Variants in ITSN2 observed in about 807,000 individuals in gnomAD.
ITSN2 encodes intersectin-2.
ITSN2 carries 156 observed loss-of-function variants against 243.7 expected under a neutral mutation model. The observed-to-expected ratio is 0.64, with a 90% CI of 0.56 to 0.73. The LOEUF is 0.73. Ranked by LOEUF, ITSN2 falls within the 30% of genes least tolerant of loss-of-function variation. The pLI, the probability that ITSN2 is intolerant of heterozygous loss-of-function variation, is 0.00. For missense variants in ITSN2, 1,801 were observed against 1,996.1 expected, an observed-to-expected ratio of 0.90 and a Z score of 1.86; for synonymous variants, 703 against 699.9, an observed-to-expected ratio of 1.00 and a Z score of -0.07.
chr2:24,229,144 C>CA (rs904636774), intron 29 of ITSN2, among the ~76,000 whole-genome samples: 20 of 150,634 alleles, frequency 1.3e-4, no homozygotes, highest in Admixed American at 7.3e-4. Flanking sequence ...CACCTCCCTC[C>CA]AAAAAAAAGA....
intron 17 of ITSN2, among the ~76,000 whole-genome samples, chr2:24,276,550 T>G (rs188813962): frequency 5.3e-5 from 8 of 152,354 alleles, no homozygotes; most frequent in African/African-American, 1.9e-4. Context: ...GGTAAATTCC[T>G]TAGCAGGAAC....
At position 24,286,012 on chromosome 2, in the gene ITSN2, A is replaced by AGTATATGTTTAGTTATATGACACTATGTC. The variant is rs1300583748; in HGVS notation, c.1863+171_1863+199dup. ...CATCAAAAATTGGAAACTGTGATAA[A>AGTATATGTTTAGTTATATGACACTATGTC]GTATATGTTTAGTTATATGACACTA... On this transcript the variant is annotated intron_variant, in intron 16 of 39. Coordinates refer to ENST00000355123, the MANE Select transcript of ITSN2 (RefSeq NM_006277.3). Among the ~76,000 whole-genome samples, 162 of 152,340 alleles carry AGTATATGTTTAGTTATATGACACTATGTC rather than the reference A, an allele frequency of 1.1e-3. 1 individual carries two copies. The highest frequency in any genetic ancestry group is 1.9e-3 in the Non-Finnish European group (131 of 68,032).
chr2:24,240,151 T>C lies in ITSN2; in HGVS notation c.3577+5978A>G, dbSNP rs143591917. On this transcript the variant is annotated intron_variant, in intron 29 of 39. Coordinates refer to ENST00000355123, the MANE Select transcript of ITSN2 (RefSeq NM_006277.3). ...ACCTTAGACCAAATAATGTGGCTGA[T>C]TAACAGTGGTATGATTTCTACCCCG... 2.6e-3 allele frequency: 398 copies of C among 152,236 alleles called. 3 individuals are homozygous for C. The highest frequency in any genetic ancestry group is 9.2e-3 in the African/African-American group (383 of 41,564). 9.4% of individuals were successfully genotyped at this position (152,236 alleles called of 1,614,324 possible).
At chr2:24,210,362 G>A in intron 34 of ITSN2, 1 of 331,740 alleles carries the variant, frequency 3.0e-6, no homozygotes, top group East Asian at 6.4e-5. Context: ...TGCAATCCCA[G>A]CACTGTTGGG....
rs1282294653 is a variant in ITSN2 at position 24,287,403 on chromosome 2, TCA to T, written c.1724-1054_1724-1053del. On this transcript the variant is annotated intron_variant, in intron 15 of 39. Transcript: ENST00000355123. ...ACCCCTGGTAACCACTCTTCTACTC[TCA>T]GTTTCTGTACAGGAGTTCAACTTTT... is the stretch of plus-strand genomic sequence containing the variant. Among the ~76,000 whole-genome samples, 8 of 152,150 alleles carry T rather than the reference TCA, an allele frequency of 5.3e-5. No individual in the cohort carries two copies. The East Asian group carries it at 1.5e-3, about 29-fold the overall frequency.
At chr2:24,312,465 G>T (rs1683370455) in intron 4 of ITSN2, 90 bp from the exon 5 acceptor site, 1 of 877,638 alleles carries the variant, frequency 1.1e-6, no homozygotes, top group Non-Finnish European at 1.7e-6. Flanking sequence ...TAAAAATGAT[G>T]ATATGGCATT....
intron 2 of ITSN2, 90 bp from the exon 3 acceptor site, chr2:24,315,314 T>C (rs1683775240): frequency 1.4e-6 from 1 of 690,762 alleles, no homozygotes; most frequent in Admixed American, 2.4e-5. Context: ...AAGTGTTCAT[T>C]GTATGACAGT....
chr2:24,319,965 T>C (rs184298980), intron 2 of ITSN2, among the ~76,000 whole-genome samples: 70 of 152,308 alleles, frequency 4.6e-4, no homozygotes, highest in African/African-American at 1.7e-3. Flanking sequence ...CTGGCTAGGG[T>C]TGTCAGAGAT....
In ITSN2 at chr2:24,220,668, A is replaced by G. The variant is rs539191500; in HGVS notation, c.3699+277T>C. 1.3e-5 allele frequency: 17 copies of G among 1,272,134 alleles called. No individual in the cohort carries two copies. The African/African-American group carries it at 2.0e-4, about 15-fold the overall frequency. 78.8% of individuals were successfully genotyped at this position (1,272,134 alleles called of 1,614,324 possible). A position where few individuals can be genotyped will look rare whatever the true frequency, so the allele number is the denominator to read the frequency against. On this transcript the variant is annotated intron_variant, in intron 30 of 39. Transcript: ENST00000355123. The stretch of plus-strand genomic sequence containing the variant: ...CTTGATGGGGCTCCTGCCACATCCA[A>G]CGAAGCCATGCGAATGCCCTCTTGT...
At chr2:24,264,860 A>G (rs1676461015) in intron 20 of ITSN2, among the ~76,000 whole-genome samples, 1 of 85,654 alleles carries the variant, frequency 1.2e-5, no homozygotes, top group African/African-American at 3.7e-5. Flanking sequence ...AAGATTTCCA[A>G]CTTTGTTCCC....
Position 24,222,182 on chromosome 2 carries a change from G to A in ITSN2, c.3578-1116C>T, listed in dbSNP as rs6708661. Among the ~76,000 whole-genome samples, 1,077 of 151,342 alleles carry A rather than the reference G, an allele frequency of 7.1e-3. 7 individuals are homozygous for A. The highest frequency in any genetic ancestry group is 0.025 in the African/African-American group (1,037 of 41,150). On this transcript the variant is annotated intron_variant, in intron 29 of 39. Transcript: ENST00000355123. ...CAGCAGAATGGTGTGAACCCAGGAGGTGGAGGTTGCAGTGAGCCGAGATCG... is the reference window on the plus strand; with the variant it reads ...CAGCAGAATGGTGTGAACCCAGGAGATGGAGGTTGCAGTGAGCCGAGATCG...
chr2:24,220,246 G>A (rs1670317978), intron 30 of ITSN2: 1 of 835,442 alleles, frequency 1.2e-6, no homozygotes, highest in Non-Finnish European at 1.4e-6. Flanking sequence ...TTTTCAGGTG[G>A]TTTGTTAATG....
In ITSN2 at chr2:24,204,574, A is replaced by C. The variant is rs543271276; in HGVS notation, c.4763-156T>G. On this transcript the variant is annotated intron_variant, in intron 38 of 39. Transcript: ENST00000355123. The surrounding 1 kb of genome is among the most constrained non-coding windows in gnomAD (Gnocchi z 5.1). ...CTGGGGCACCATATCCCTGTGGTCT[A>C]GTAACAGGGTCTCCAAGTTCCCAGT... 1.4e-6 allele frequency: 1 copy of C among 718,566 alleles called. No individual in the cohort carries two copies. Among genetic ancestry groups the C allele is most frequent in the East Asian group, 2.7e-5 (1 of 36,858 alleles). 44.5% of individuals were successfully genotyped at this position (718,566 alleles called of 1,614,324 possible).
At chr2:24,294,903 C>A (rs982325620) in intron 14 of ITSN2, among the ~76,000 whole-genome samples, 1 of 152,208 alleles carries the variant, frequency 6.6e-6, no homozygotes, top group Non-Finnish European at 1.5e-5. Flanking sequence ...GACTGCCTTA[C>A]CCTTTCTGCA....
At chr2:24,236,848 C>T (rs1208135979) in intron 29 of ITSN2, among the ~76,000 whole-genome samples, 1 of 151,288 alleles carries the variant, frequency 6.6e-6, no homozygotes, top group African/African-American at 2.4e-5. Context: ...ATCTATCTAT[C>T]TATCTATCTT....
intron 29 of ITSN2, among the ~76,000 whole-genome samples, chr2:24,235,247 G>A (rs1261986014): frequency 6.6e-6 from 1 of 152,138 alleles, no homozygotes; most frequent in Non-Finnish European, 1.5e-5. Context: ...GCTATGTACT[G>A]TGTGATTCCA....
At chr2:24,361,357 A>G (rs931571260), upstream of ITSN2, among the ~76,000 whole-genome samples, 7 of 152,090 alleles carry the variant, frequency 4.6e-5, no homozygotes, top group South Asian at 4.1e-4. Context: ...CCAAAACCCC[A>G]AAGGTTTGCC....
At chr2:24,328,366 C>A (rs1223519372) in intron 1 of ITSN2, among the ~76,000 whole-genome samples, 1 of 151,852 alleles carries the variant, frequency 6.6e-6, no homozygotes, top group Non-Finnish European at 1.5e-5. Context: ...AATAAAGAAA[C>A]CCTTGGCATG....
chr2:24,252,359 G>C lies in ITSN2; in HGVS notation c.3106C>G (p.Pro1036Ala). The C allele has an allele frequency of 6.2e-7, 1 of 1,610,414 alleles. No homozygotes were observed. The highest frequency in any genetic ancestry group is 8.5e-7 in the Non-Finnish European group (1 of 1,177,368). The change falls in exon 25 of 40, where the codon CCA becomes GCA. Residue 1036 changes from proline to alanine, a missense_variant. Physicochemically the swap from Pro to Ala is conservative, Grantham distance 27. Around this residue, in one of 5 missense-constraint regions of ITSN2, gnomAD observed 928 missense variants for 1,065.4 expected, o/e 0.87. Transcript: ENST00000355123. ...SGIFPSNYVK[P>A]KDQESFGSAS... is the part of the protein sequence containing the mutation. ...TATCAAAATACCTCTTGATCCTTTGGTTTGACATAGTTTGATGGAAAAATT... is the reference window on the plus strand; with the variant it reads ...TATCAAAATACCTCTTGATCCTTTGCTTTGACATAGTTTGATGGAAAAATT...
Sources: gnomAD v4.1 joint callset for allele counts (sites outside exome capture counted in the v4.1 genomes callset) on GRCh38, gnomAD v4.1.1 for gene constraint, gnomAD v4.1.1 regional missense constraint, Gnocchi (gnomAD v3.1) non-coding constraint, MANE v1.5 for transcripts, NCBI Gene and HGNC (gene_info 2026-07-23, HGNC 2026-07-21) for gene names.